The following NTM variants were observed in gnomAD, a reference collection of about 807,000 sequenced individuals.
NTM encodes neurotrimin.
NTM carries 13 observed loss-of-function variants against 42.1 expected under a neutral mutation model. That is an observed-to-expected ratio of 0.31 (90% confidence interval 0.20 to 0.49). The LOEUF (loss-of-function observed/expected upper bound fraction) is 0.49, where lower values mean the gene tolerates loss of function less well. Ranked by LOEUF, NTM falls within the 20% of genes least tolerant of loss-of-function variation. NTM has a pLI of 0.99. For missense variants in NTM, 373 were observed against 452.8 expected, an observed-to-expected ratio of 0.82 and a Z score of 1.60; for synonymous variants, 187 against 179.2, an observed-to-expected ratio of 1.04 and a Z score of -0.35.
intron 1 of NTM, among the ~76,000 whole-genome samples, chr11:131,377,718 A>T (rs1419670766): frequency 6.6e-6 from 1 of 152,178 alleles, no homozygotes; most frequent in East Asian, 1.9e-4. Flanking sequence ...ATCTTCTTTC[A>T]ATCCATGGAT....
intron 1 of NTM, among the ~76,000 whole-genome samples, chr11:131,595,686 A>G (rs2059757136): frequency 6.6e-6 from 1 of 152,198 alleles, no homozygotes; most frequent in Non-Finnish European, 1.5e-5. Context: ...CTGTGTACAG[A>G]TGAAGGTTTT....
chr11:131,766,036 G>A (rs1324508599), intron 1 of NTM, among the ~76,000 whole-genome samples: 1 of 152,148 alleles, frequency 6.6e-6, no homozygotes, highest in Non-Finnish European at 1.5e-5. Flanking sequence ...GAGGCAGCTG[G>A]TTAGGAACAA....
At chr11:131,821,332 T>C (rs1248397721) in intron 1 of NTM, among the ~76,000 whole-genome samples, 2 of 152,218 alleles carry the variant, frequency 1.3e-5, no homozygotes, top group Non-Finnish European at 2.9e-5. Context: ...ACCTGCTCTT[T>C]CTTGTGGTCC....
intron 1 of NTM, chr11:131,774,039 G>T (rs1506667): frequency 0.49 from 481,232 of 981,566 alleles, 120,243 homozygotes; most frequent in East Asian, 0.62. Context: ...TAGCCTTGGT[G>T]TCATTGACTT....
At chr11:132,226,071 A>G (rs1592347683) in intron 4 of NTM, among the ~76,000 whole-genome samples, 2 of 152,208 alleles carry the variant, frequency 1.3e-5, no homozygotes, top group Admixed American at 6.5e-5. Flanking sequence ...ATAGTATTCC[A>G]TGGTATATAT....
chr11:131,636,238 C>T (rs904752321), intron 1 of NTM, among the ~76,000 whole-genome samples: 1 of 152,152 alleles, frequency 6.6e-6, no homozygotes, highest in African/African-American at 2.4e-5. Context: ...ACTAGAGTTC[C>T]GAATCTGGCT....
chr11:131,975,714 C>T (rs1247431094), intron 2 of NTM, among the ~76,000 whole-genome samples: 1 of 152,070 alleles, frequency 6.6e-6, no homozygotes, highest in Non-Finnish European at 1.5e-5. Context: ...GGTTTCCTTC[C>T]TGTGATGACA....
chr11:131,456,343 T>G (rs1458135600), intron 1 of NTM, among the ~76,000 whole-genome samples: 1 of 152,220 alleles, frequency 6.6e-6, no homozygotes, highest in Non-Finnish European at 1.5e-5. Flanking sequence ...TGAGTGCTTT[T>G]TCCCTTGGCC....
At chr11:131,948,132 T>C (rs2060546617) in intron 2 of NTM, among the ~76,000 whole-genome samples, 1 of 151,792 alleles carries the variant, frequency 6.6e-6, no homozygotes, top group Admixed American at 6.6e-5. Flanking sequence ...GAGGCCGAGG[T>C]GGGCTGATCA....
chr11:132,296,266 C>A (rs923882509), intron 4 of NTM, among the ~76,000 whole-genome samples: 1 of 152,094 alleles, frequency 6.6e-6, no homozygotes, highest in Admixed American at 6.6e-5. Flanking sequence ...ATGAGCACAG[C>A]TGGCCATCTA....
chr11:132,269,499 C>T (rs978128533), intron 4 of NTM, among the ~76,000 whole-genome samples: 4 of 152,170 alleles, frequency 2.6e-5, no homozygotes, highest in African/African-American at 9.7e-5. Flanking sequence ...ACAATCCCAT[C>T]TAATATGGCA....
intron 2 of NTM, among the ~76,000 whole-genome samples, chr11:131,998,625 T>A (rs2068575272): frequency 6.6e-6 from 1 of 152,126 alleles, no homozygotes; most frequent in African/African-American, 2.4e-5. Context: ...AGAGACACAA[T>A]CTCATACTCC....
chr11:131,733,098 G>A (rs1400955869), intron 1 of NTM, among the ~76,000 whole-genome samples: 5 of 152,092 alleles, frequency 3.3e-5, no homozygotes, highest in Non-Finnish European at 7.3e-5. Context: ...GTTGTAAATA[G>A]TAGTGTTGTT....
intron 2 of NTM, among the ~76,000 whole-genome samples, chr11:132,030,539 T>C (rs1271764962): frequency 6.6e-6 from 1 of 152,230 alleles, no homozygotes; most frequent in Non-Finnish European, 1.5e-5. Context: ...GGCCAGGGGC[T>C]TAAATGGGAC....
At chr11:131,497,335 C>T (rs1435027126) in intron 1 of NTM, among the ~76,000 whole-genome samples, 3 of 151,762 alleles carry the variant, frequency 2.0e-5, no homozygotes, top group Non-Finnish European at 4.4e-5. Flanking sequence ...ATTACAGGCT[C>T]CTGCCACCAT....
At chr11:131,923,659 G>T (rs1054794625) in intron 2 of NTM, among the ~76,000 whole-genome samples, 5 of 152,182 alleles carry the variant, frequency 3.3e-5, no homozygotes, top group African/African-American at 9.7e-5. Flanking sequence ...GGATTATTCT[G>T]CTCAAGGCCT....
intron 4 of NTM, among the ~76,000 whole-genome samples, chr11:132,282,385 C>T (rs183362879): frequency 6.1e-4 from 93 of 152,302 alleles, no homozygotes; most frequent in East Asian, 4.4e-3. Flanking sequence ...CTTGAAATAG[C>T]TATAAATTGT....
intron 1 of NTM, among the ~76,000 whole-genome samples, chr11:131,496,381 T>C (rs1238376131): frequency 6.6e-6 from 1 of 152,198 alleles, no homozygotes; most frequent in African/African-American, 2.4e-5. Context: ...AACCCTACCT[T>C]TCTCTCTGGG....
At chr11:131,448,390 G>T (rs2136025398) in intron 1 of NTM, among the ~76,000 whole-genome samples, 1 of 152,334 alleles carries the variant, frequency 6.6e-6, no homozygotes, top group Admixed American at 6.5e-5. Flanking sequence ...CCAGCCTCCT[G>T]TCCAACATGA....
Sources: gnomAD v4.1 joint callset for allele counts (sites outside exome capture counted in the v4.1 genomes callset) on GRCh38, gnomAD v4.1.1 for gene constraint, MANE v1.5 for transcripts, NCBI Gene and HGNC (gene_info 2026-07-23, HGNC 2026-07-21) for gene names.